CPEB3: variants seen among roughly 807,000 people sequenced by gnomAD.
CPEB3 encodes the protein cytoplasmic polyadenylation element-binding protein 3.
A neutral mutation model predicts 67.2 loss-of-function variants in CPEB3; 20 were observed. The ratio of observed to expected loss-of-function variants is 0.30; its 90% CI spans 0.21 to 0.43. The LOEUF (loss-of-function observed/expected upper bound fraction) is 0.43. Among genes scored for constraint, CPEB3 ranks in the 20% least tolerant of loss-of-function variants. The pLI is 1.00. For missense variants in CPEB3, 746 were observed against 968.6 expected (o/e 0.77, Z 3.05); for synonymous variants, 376 against 393.1 (o/e 0.96, Z 0.51).
intron 1 of CPEB3, among the ~76,000 whole-genome samples, chr10:92,266,547 C>T (rs1171874363): frequency 6.6e-6 from 1 of 152,026 alleles, no homozygotes; most frequent in Non-Finnish European, 1.5e-5. Flanking sequence ...TTCCTCTTTC[C>T]GTCTACATGC....
intron 2 of CPEB3, among the ~76,000 whole-genome samples, chr10:92,223,388 C>T (rs1403900517): frequency 6.6e-6 from 1 of 152,026 alleles, no homozygotes; most frequent in Non-Finnish European, 1.5e-5. Flanking sequence ...ACTCTAAAAC[C>T]CACCTGATTT....
At chr10:92,068,388 A>G (rs1218997155) in intron 9 of CPEB3, among the ~76,000 whole-genome samples, 1 of 152,182 alleles carries the variant, frequency 6.6e-6, no homozygotes, top group African/African-American at 2.4e-5. Context: ...TCACCCCCTC[A>G]GGGTATAGAG....
chr10:92,230,019 C>G (rs1316792905), intron 2 of CPEB3, among the ~76,000 whole-genome samples: 3 of 151,748 alleles, frequency 2.0e-5, no homozygotes, highest in African/African-American at 7.3e-5. Context: ...GCACTCCAGC[C>G]TAGGCAACGA....
intron 6 of CPEB3, among the ~76,000 whole-genome samples, chr10:92,125,690 G>C (rs1448412508): frequency 6.6e-6 from 1 of 151,820 alleles, no homozygotes; most frequent in East Asian, 1.9e-4. Flanking sequence ...CTTCCTAGTG[G>C]CCACATTCAC....
chr10:92,210,800 G>T (rs557186195), intron 2 of CPEB3, among the ~76,000 whole-genome samples: 16 of 152,326 alleles, frequency 1.1e-4, no homozygotes, highest in African/African-American at 3.6e-4. Context: ...CACTTTGGGA[G>T]GCCAAGGCGG....
At chr10:92,216,822 C>T in intron 2 of CPEB3, 1 of 1,604,920 alleles carries the variant, frequency 6.2e-7, no homozygotes, top group South Asian at 1.1e-5. Flanking sequence ...GGGCACCTGC[C>T]GCTGGAAGCT....
chr10:92,172,898 T>A (rs377335985), intron 4 of CPEB3, among the ~76,000 whole-genome samples: 11 of 152,240 alleles, frequency 7.2e-5, no homozygotes, highest in African/African-American at 2.7e-4. Context: ...GATCTATATG[T>A]GTTATAACCA....
chr10:92,141,486 T>A (rs1331320697), intron 6 of CPEB3, among the ~76,000 whole-genome samples: 1 of 57,982 alleles, frequency 1.7e-5, no homozygotes, highest in Non-Finnish European at 3.5e-5. Context: ...TGTTGTGGGG[T>A]GGGGGGATGG....
chr10:92,249,700 A>G (rs1034119592), intron 1 of CPEB3, among the ~76,000 whole-genome samples: 1 of 151,732 alleles, frequency 6.6e-6, no homozygotes, highest in African/African-American at 2.4e-5. Context: ...TAAAAGTTGA[A>G]AAAAGTTTAT....
intron 4 of CPEB3, among the ~76,000 whole-genome samples, chr10:92,168,922 C>A (rs1222824945): frequency 6.7e-6 from 1 of 149,266 alleles, no homozygotes; most frequent in Non-Finnish European, 1.5e-5. Flanking sequence ...CAGCCTCCCA[C>A]ACAGCTGGGA....
chr10:92,224,200 T>C (rs556748215), intron 2 of CPEB3, among the ~76,000 whole-genome samples: 24 of 152,310 alleles, frequency 1.6e-4, no homozygotes, highest in South Asian at 1.0e-3. Flanking sequence ...GTGCCCCTGA[T>C]TGTTGCTTAA....
intron 4 of CPEB3, among the ~76,000 whole-genome samples, chr10:92,150,147 T>C (rs1846892041): frequency 2.0e-5 from 3 of 152,208 alleles, no homozygotes; most frequent in South Asian, 4.1e-4. Context: ...CGACAGGCGA[T>C]ATGAGGACTT....
intron 1 of CPEB3, among the ~76,000 whole-genome samples, chr10:92,289,732 A>AAAAAAAAAAAAAAAAAAATATAT: frequency 7.9e-5 from 6 of 75,770 alleles, no homozygotes; most frequent in Non-Finnish European, 1.5e-4. Flanking sequence ...AAAAAAAAAA[A>AAAAAAAAAAAAAAAAAAATATAT]ATATATATAT....
chr10:92,219,535 C>A (rs1035617546), intron 2 of CPEB3, among the ~76,000 whole-genome samples: 21 of 152,172 alleles, frequency 1.4e-4, no homozygotes, highest in African/African-American at 4.8e-4. Context: ...GAATTTTTGA[C>A]CTTAAGCTAT....
At chr10:92,066,918 A>AG (rs1265147269) in intron 9 of CPEB3, among the ~76,000 whole-genome samples, 1 of 151,266 alleles carries the variant, frequency 6.6e-6, no homozygotes, top group African/African-American at 2.4e-5. Context: ...GCATGATGGT[A>AG]GGTGCCTGTA....
intron 9 of CPEB3, among the ~76,000 whole-genome samples, chr10:92,073,235 C>G (rs1211959630): frequency 6.6e-6 from 1 of 151,854 alleles, no homozygotes; most frequent in Non-Finnish European, 1.5e-5. Context: ...GACTGGGCCT[C>G]ACTATATTGT....
intron 1 of CPEB3, among the ~76,000 whole-genome samples, chr10:92,289,805 AT>A (rs1414433301): frequency 2.2e-5 from 3 of 138,496 alleles, no homozygotes; most frequent in Non-Finnish European, 4.6e-5. Flanking sequence ...TTATAAATGT[AT>A]TATATATTAT....
At chr10:92,150,145 G>A (rs181760397) in intron 4 of CPEB3, among the ~76,000 whole-genome samples, 3 of 152,240 alleles carry the variant, frequency 2.0e-5, no homozygotes, top group Non-Finnish European at 2.9e-5. Flanking sequence ...ACCGACAGGC[G>A]ATATGAGGAC....
At chr10:92,216,646 T>A in intron 2 of CPEB3, 1 of 1,607,630 alleles carries the variant, frequency 6.2e-7, no homozygotes, top group Non-Finnish European at 8.5e-7. Context: ...ATCTGCCCTA[T>A]GTCTATATCC....
Sources: gnomAD v4.1 joint callset for allele counts (sites outside exome capture counted in the v4.1 genomes callset) on GRCh38, gnomAD v4.1.1 for gene constraint, MANE v1.5 for transcripts, NCBI Gene and HGNC (gene_info 2026-07-23, HGNC 2026-07-21) for gene names.